The following AVPR1A variants were observed in gnomAD, a reference collection of about 807,000 sequenced individuals.
The protein encoded by AVPR1A is arginine vasopressin receptor 1A, also known as vasopressin V1a receptor.
AVPR1A carries 31 observed loss-of-function variants against 31.5 expected under a neutral mutation model. The ratio of observed to expected loss-of-function variants is 0.99; its 90% CI spans 0.74 to 1.33. AVPR1A has a LOEUF of 1.33. Among genes scored for constraint, AVPR1A ranks in the 40% most tolerant of loss-of-function variants. The pLI, the probability that AVPR1A is intolerant of heterozygous loss-of-function variation, is 0.00. For missense variants in AVPR1A, 570 were observed against 575.2 expected (o/e 0.99, Z 0.09); for synonymous variants, 243 against 233.2 (o/e 1.04, Z -0.38).
chr12:63,147,441 C>T lies in AVPR1A; in HGVS notation c.1175G>A (p.Arg392Gln), dbSNP rs1424319046. ...SRRQTFYSNN[R>Q]SPTNSTGMWK... Reference sequence around the variant, plus strand: ...CATACCCGTACTGTTTGTTGGGCTTCGATTGTTAGAATAAAAAGTCTGTCT... The same window carrying T: ...CATACCCGTACTGTTTGTTGGGCTTTGATTGTTAGAATAAAAAGTCTGTCT... Residue 392 changes from arginine to glutamine, a missense_variant, in exon 2 of 2, where the codon CGA (arginine) becomes CAA (glutamine). By Grantham distance (43) the Arg-to-Gln change is conservative. Coordinates refer to ENST00000299178, the MANE Select transcript of AVPR1A (RefSeq NM_000706.5). 3.7e-6 allele frequency: 6 copies of T among 1,613,996 alleles called. No individual in the cohort carries two copies. Among genetic ancestry groups the T allele is most frequent in the South Asian group, 2.2e-5 (2 of 91,072 alleles).
In AVPR1A at chr12:63,151,189, A is replaced by T; in HGVS notation, c.-353T>A. On this transcript the variant is annotated 5_prime_UTR_variant, in exon 1 of 2. Coordinates refer to ENST00000299178, the MANE Select transcript of AVPR1A (RefSeq NM_000706.5). ...GCGCTCCCTCCCGCCCTATTGCCGG[A>T]AGACTGCTGGTTGCCTACTCCCCGC... The T allele has an allele frequency of 4.2e-6, 1 of 239,656 alleles. No individual in the cohort carries two copies. The highest frequency in any genetic ancestry group is 8.1e-6 in the Non-Finnish European group (1 of 123,378). 14.8% of individuals were successfully genotyped at this position (239,656 alleles called of 1,614,324 possible). A position where few individuals can be genotyped will look rare whatever the true frequency, so the allele number is the denominator to read the frequency against.
chr12:63,147,771 T>A, intron 1 of AVPR1A, 126 bp from the exon 2 acceptor site: 1 of 1,084,592 alleles, frequency 9.2e-7, no homozygotes, highest in Non-Finnish European at 1.3e-6. Flanking sequence ...ATTTTGTTTA[T>A]CAATCAGGGA....
Position 63,150,169 on chromosome 12 carries a change from C to A in AVPR1A, c.668G>T (p.Gly223Val). 2 of 1,613,994 alleles carry A rather than the reference C, an allele frequency of 1.2e-6. No individual in the cohort carries two copies. Among genetic ancestry groups the A allele is most frequent in the Non-Finnish European group, 1.7e-6 (2 of 1,180,046 alleles). ...SRAYVTWMTGGIFVAPVVILG... is the reference protein window; with the variant it reads ...SRAYVTWMTGVIFVAPVVILG... The stretch of plus-strand genomic sequence containing the variant: ...GATGACCACGGGCGCCACAAAGATG[C>A]CGCCCGTCATCCAGGTCACGTAGGC... Residue 223 changes from glycine (G) to valine (V), a missense_variant, in exon 1 of 2, where the codon GGC becomes GTC. Coordinates refer to ENST00000299178, the MANE Select transcript of AVPR1A (RefSeq NM_000706.5). The surrounding 1 kb of genome is among the most constrained non-coding windows in gnomAD (Gnocchi z 4.9).
rs1417441306 is a variant in AVPR1A at position 63,150,292 on chromosome 12, C to T, written c.545G>A (p.Ser182Asn). ...AAAWVLSFVL[S>N]TPQYFVFSMI... ...GGAGAAGACGAAGTACTGCGGCGTG[C>T]TCAGCACGAAGCTCAGCACCCAGGC... Residue 182 changes from serine to asparagine, a missense_variant, in exon 1 of 2, where the codon AGC becomes AAC. Transcript: ENST00000299178. The surrounding 1 kb of genome is among the most constrained non-coding windows in gnomAD (Gnocchi z 4.9). 6.2e-7 allele frequency: 1 copy of T among 1,613,844 alleles called. No homozygotes were observed. The highest frequency in any genetic ancestry group is 2.2e-5 in the East Asian group (1 of 44,866).
rs945931799 is a variant in AVPR1A, at chr12:63,151,093, G to C, written c.-257C>G. 2.1e-6 allele frequency: 1 copy of C among 483,892 alleles called. No homozygotes were observed. Among genetic ancestry groups the C allele is most frequent in the African/African-American group, 2.0e-5 (1 of 50,052 alleles). The allele number at this position is 483,892 out of a possible 1,614,324, so 30.0% of individuals were successfully genotyped here. On this transcript the variant is annotated 5_prime_UTR_variant, in exon 1 of 2. Coordinates refer to ENST00000299178, the MANE Select transcript of AVPR1A (RefSeq NM_000706.5). ...TTTCAACTTCGGCGAGGTCGGGAAG[G>C]TGAGCTCCGAGCTTCCGGAAGCACT... is the stretch of plus-strand genomic sequence containing the variant.
In AVPR1A at chr12:63,147,575, T is replaced by C; in HGVS notation, c.1041A>G (p.Ile347Met). 6 of 1,614,168 alleles carry C rather than the reference T, an allele frequency of 3.7e-6. No homozygotes were observed. Among genetic ancestry groups the C allele is most frequent in the South Asian group, 1.1e-5 (1 of 91,088 alleles). The change falls in exon 2 of 2, where the codon ATA becomes ATG. Residue 347 changes from isoleucine to methionine, a missense_variant. By Grantham distance (10) the Ile-to-Met change is conservative. Coordinates refer to ENST00000299178, the MANE Select transcript of AVPR1A (RefSeq NM_000706.5). ...GSLNSCCNPW[I>M]YMFFSGHLLQ... ...GGAGATGGCCACTAAAAAACATGTATATCCAGGGATTACAGCAGCTATTCA... is the reference window on the plus strand; with the variant it reads ...GGAGATGGCCACTAAAAAACATGTACATCCAGGGATTACAGCAGCTATTCA...
In AVPR1A at chr12:63,150,127, C is replaced by T. The variant is rs1308466899; in HGVS notation, c.710G>A (p.Gly237Asp). ...GCACCAGATGTTGTAGCAGATGAAG[C>T]CGTAGCAGGTACCCAAGATGACCAC... ...APVVILGTCY[G>D]FICYNIWCNV... The change falls in exon 1 of 2, where the codon GGC becomes GAC. Residue 237 changes from glycine (G) to aspartate (D), a missense_variant. By Grantham distance (94) the Gly-to-Asp change is moderately conservative. Transcript: ENST00000299178. This position sits in a 1 kb window ranked among gnomAD's most constrained non-coding sequence, Gnocchi z 4.9. 3 of 1,614,038 alleles carry T rather than the reference C, an allele frequency of 1.9e-6. No homozygotes were observed. The South Asian group carries it at 3.3e-5, about 18-fold the overall frequency.
Position 63,149,998 on chromosome 12 carries a change from T to C in AVPR1A, c.839A>G (p.Lys280Arg), listed in dbSNP as rs896233011. 1 of 1,614,108 alleles carries C rather than the reference T, an allele frequency of 6.2e-7. No homozygotes were observed. Residue 280 changes from lysine (K) to arginine (R), a missense_variant, in exon 1 of 2, where the codon AAG (lysine) becomes AGG (arginine). Coordinates refer to ENST00000299178, the MANE Select transcript of AVPR1A (RefSeq NM_000706.5). ...GCGGATCTTGGCCCGGGAAATGGACTTCACGCTGCTGACACAGGGTGCGAG... is the reference window on the plus strand; with the variant it reads ...GCGGATCTTGGCCCGGGAAATGGACCTCACGCTGCTGACACAGGGTGCGAG... ...FLLAPCVSSV[K>R]SISRAKIRTV...
At chr12:63,147,945 A>G (rs890537951) in intron 1 of AVPR1A, among the ~76,000 whole-genome samples, 1 of 152,200 alleles carries the variant, frequency 6.6e-6, no homozygotes, top group Non-Finnish European at 1.5e-5. Context: ...AAAAATCTCT[A>G]TCTTCTATAC....
At position 63,150,899 on chromosome 12, in the gene AVPR1A, C is replaced by T; in HGVS notation, c.-63G>A. 6.9e-7 allele frequency: 1 copy of T among 1,449,520 alleles called. No homozygotes were observed. The highest frequency in any genetic ancestry group is 1.4e-5 in the African/African-American group (1 of 70,140). The allele number at this position is 1,449,520 out of a possible 1,614,324, so 89.8% of individuals were successfully genotyped here. Reference sequence around the variant, plus strand: ...TCCAGCCCTCGCGGGCCGCTCCCTCCCCGTCTCGGAGGACTTGGGCTCCTC... The same window carrying T: ...TCCAGCCCTCGCGGGCCGCTCCCTCTCCGTCTCGGAGGACTTGGGCTCCTC... On this transcript the variant is annotated 5_prime_UTR_variant, in exon 1 of 2. Coordinates refer to ENST00000299178, the MANE Select transcript of AVPR1A (RefSeq NM_000706.5). The surrounding 1 kb of genome is among the most constrained non-coding windows in gnomAD (Gnocchi z 4.9).
In AVPR1A at chr12:63,151,051, C is replaced by T. The variant is rs989547982; in HGVS notation, c.-215G>A. On this transcript the variant is annotated 5_prime_UTR_variant, in exon 1 of 2. Coordinates refer to ENST00000299178, the MANE Select transcript of AVPR1A (RefSeq NM_000706.5). Reference sequence around the variant, plus strand: ...CTCTCAGCAGGGTGAGCTGGCCCCTCTCCCTGCTCTGCCTTTTTTCAACTT... The same window carrying T: ...CTCTCAGCAGGGTGAGCTGGCCCCTTTCCCTGCTCTGCCTTTTTTCAACTT... 4 of 626,262 alleles carry T rather than the reference C, an allele frequency of 6.4e-6. No homozygotes were observed. Among genetic ancestry groups the T allele is most frequent in the Admixed American group, 6.9e-5 (2 of 28,960 alleles). 38.8% of individuals were successfully genotyped at this position (626,262 alleles called of 1,614,324 possible). A position where few individuals can be genotyped will look rare whatever the true frequency, so the allele number is the denominator to read the frequency against.
chr12:63,145,970 A>G lies in AVPR1A; in HGVS notation c.*1389T>C, dbSNP rs568751911. 40 of 152,366 alleles carry G rather than the reference A, an allele frequency of 2.6e-4. 1 individual carries two copies. Among genetic ancestry groups the G allele is most frequent in the African/African-American group, 9.6e-4 (40 of 41,580 alleles). 9.4% of individuals were successfully genotyped at this position (152,366 alleles called of 1,614,324 possible). On this transcript the variant is annotated 3_prime_UTR_variant, in exon 2 of 2. Coordinates refer to ENST00000299178, the MANE Select transcript of AVPR1A (RefSeq NM_000706.5). ...AATCAGCGATCTATATTTAAATTTT[A>G]GGATTTTATATCCCAGCCATGAAAT...
Sources: gnomAD v4.1 joint callset for allele counts (sites outside exome capture counted in the v4.1 genomes callset) on GRCh38, gnomAD v4.1.1 for gene constraint, Gnocchi (gnomAD v3.1) non-coding constraint, MANE v1.5 for transcripts, NCBI Gene and HGNC (gene_info 2026-07-23, HGNC 2026-07-21) for gene names.